LPP: variants seen among roughly 807,000 people sequenced by gnomAD.
LPP encodes the protein LIM domain containing preferred translocation partner in lipoma.
LPP carries 38 observed loss-of-function variants against 60.4 expected under a neutral mutation model. That is an observed-to-expected ratio of 0.63 (90% CI 0.49 to 0.83). The LOEUF is 0.83. Among genes scored for constraint, LPP ranks in the 40% least tolerant of loss-of-function variants. LPP has a pLI of 0.00. For missense variants in LPP, 902 were observed against 783.6 expected (o/e 1.15, Z -1.80); for synonymous variants, 328 against 290.8 (o/e 1.13, Z -1.30).
chr3:188,374,297 G>T (rs1349730116), intron 3 of LPP, among the ~76,000 whole-genome samples: 19 of 152,046 alleles, frequency 1.2e-4, no homozygotes, highest in Admixed American at 1.2e-3. Context: ...ATTACCTTTG[G>T]CAGTATGGCC....
intron 2 of LPP, among the ~76,000 whole-genome samples, chr3:188,274,222 C>A (rs1738857143): frequency 6.6e-6 from 1 of 152,036 alleles, no homozygotes; most frequent in East Asian, 1.9e-4. Context: ...CTTTTTATTC[C>A]ATTTTTGATA....
intron 2 of LPP, among the ~76,000 whole-genome samples, chr3:188,334,102 A>G (rs1403422995): frequency 6.6e-6 from 1 of 152,180 alleles, no homozygotes; most frequent in African/African-American, 2.4e-5. Flanking sequence ...TCCACATATG[A>G]GAAAGGACAT....
intron 2 of LPP, among the ~76,000 whole-genome samples, chr3:188,262,191 C>G (rs1733898060): frequency 6.6e-6 from 1 of 152,104 alleles, no homozygotes; most frequent in Non-Finnish European, 1.5e-5. Context: ...GGTCTCCAGC[C>G]TGCCTTTCCT....
intron 4 of LPP, among the ~76,000 whole-genome samples, chr3:188,431,445 G>A (rs1274686079): frequency 6.6e-6 from 1 of 152,140 alleles, no homozygotes; most frequent in African/African-American, 2.4e-5. Context: ...AGAGTATAAA[G>A]AGCCATGATT....
chr3:188,536,459 T>C (rs1823649199), intron 6 of LPP, among the ~76,000 whole-genome samples: 2 of 152,246 alleles, frequency 1.3e-5, no homozygotes, highest in South Asian at 4.1e-4. Context: ...ATGCCAATTA[T>C]AAAGCATGTC....
intron 9 of LPP, among the ~76,000 whole-genome samples, chr3:188,826,898 A>T (rs1288349090): frequency 6.6e-6 from 1 of 152,036 alleles, no homozygotes; most frequent in Non-Finnish European, 1.5e-5. Flanking sequence ...TGATGATAAG[A>T]TCCTATCTTA....
chr3:188,625,661 T>G (rs942600311), intron 7 of LPP, among the ~76,000 whole-genome samples: 1 of 152,180 alleles, frequency 6.6e-6, no homozygotes, highest in Non-Finnish European at 1.5e-5. Flanking sequence ...CTTTTCTGCC[T>G]ATAGAATGCC....
chr3:188,196,280 A>T (rs752124273), intron 1 of LPP, among the ~76,000 whole-genome samples: 1 of 152,164 alleles, frequency 6.6e-6, no homozygotes, highest in African/African-American at 2.4e-5. Context: ...ACACTCCTAC[A>T]TGCCTTTTGG....
intron 2 of LPP, among the ~76,000 whole-genome samples, chr3:188,299,867 G>C (rs1381461171): frequency 2.6e-5 from 4 of 152,160 alleles, no homozygotes; most frequent in Non-Finnish European, 4.4e-5. Context: ...GAGCTTCACC[G>C]CTCTGCTGTC....
At chr3:188,702,105 C>T (rs182746833) in intron 7 of LPP, among the ~76,000 whole-genome samples, 9 of 151,702 alleles carry the variant, frequency 5.9e-5, no homozygotes, top group Middle Eastern at 3.4e-3. Context: ...ACCAGGCACC[C>T]GCCACCATGC....
At chr3:188,604,673 G>T (rs1480235697) in intron 6 of LPP, among the ~76,000 whole-genome samples, 4 of 152,100 alleles carry the variant, frequency 2.6e-5, no homozygotes, top group Admixed American at 2.6e-4. Context: ...TCTGACCAAA[G>T]AAATGCATTT....
At chr3:188,505,596 T>C (rs1813223322) in intron 5 of LPP, among the ~76,000 whole-genome samples, 1 of 152,238 alleles carries the variant, frequency 6.6e-6, no homozygotes, top group African/African-American at 2.4e-5. Context: ...ATTCTACTCA[T>C]CATCTTACTC....
At chr3:188,868,739 G>A (rs1203799128) in intron 10 of LPP, among the ~76,000 whole-genome samples, 1 of 152,182 alleles carries the variant, frequency 6.6e-6, no homozygotes, top group Non-Finnish European at 1.5e-5. Context: ...CAGTTTTTGG[G>A]GCCTTGTTTG....
At chr3:188,300,203 T>A (rs1442882762) in intron 2 of LPP, among the ~76,000 whole-genome samples, 2 of 151,626 alleles carry the variant, frequency 1.3e-5, no homozygotes, top group African/African-American at 2.4e-5. Context: ...TGTGTGTTTA[T>A]TTTTTTTCTT....
intron 8 of LPP, among the ~76,000 whole-genome samples, chr3:188,749,346 G>T (rs1178070800): frequency 1.3e-5 from 2 of 152,146 alleles, no homozygotes; most frequent in African/African-American, 2.4e-5. Flanking sequence ...CTTAATCAAT[G>T]AATTGCCTCT....
rs199831140 is a variant in LPP at position 188,726,883 on chromosome 3, CA to C, written c.1240+18496del. Among the ~76,000 whole-genome samples the C allele has an allele frequency of 7.7e-4, 117 of 152,110 alleles. 1 individual carries two copies. The East Asian group carries it at 0.02, about 26-fold the overall frequency. ...AACAGCAGCTAAAAAAAGTAAATATCAAAAAAGGGAGCTTTCTCAGACACAA... is the reference window on the plus strand; with the variant it reads ...AACAGCAGCTAAAAAAAGTAAATATCAAAAAGGGAGCTTTCTCAGACACAA... On this transcript the variant is annotated intron_variant, in intron 8 of 11. Coordinates refer to ENST00000617246, the MANE Select transcript of LPP (RefSeq NM_001375462.1).
chr3:188,179,006 G>T (rs937048279), intron 1 of LPP: 1 of 303,812 alleles, frequency 3.3e-6, no homozygotes, highest in Non-Finnish European at 6.6e-6. Flanking sequence ...GAGAGAGAGA[G>T]AGAGTGAGCA....
intron 8 of LPP, among the ~76,000 whole-genome samples, chr3:188,747,189 C>G (rs951505107): frequency 6.6e-6 from 1 of 152,142 alleles, no homozygotes; most frequent in African/African-American, 2.4e-5. Flanking sequence ...CAAATCCTTC[C>G]TATAATGCTT....
intron 9 of LPP, among the ~76,000 whole-genome samples, chr3:188,798,783 G>GAGT (rs4011863): frequency 0.63 from 96,153 of 151,814 alleles, 30,892 homozygotes; most frequent in East Asian, 0.91. Context: ...GGAAGATGCT[G>GAGT]AGTAGGAATA....
Sources: gnomAD v4.1 joint callset for allele counts (sites outside exome capture counted in the v4.1 genomes callset) on GRCh38, gnomAD v4.1.1 for gene constraint, MANE v1.5 for transcripts, NCBI Gene and HGNC (gene_info 2026-07-23, HGNC 2026-07-21) for gene names.